POFUT2: variants seen among roughly 807,000 people sequenced by gnomAD.
POFUT2 encodes GDP-fucose protein O-fucosyltransferase 2.
Under a neutral mutation model 55.0 loss-of-function variants are expected in POFUT2, and 30 were observed. The ratio of observed to expected loss-of-function variants is 0.55; its 90% CI spans 0.41 to 0.74. The LOEUF is 0.74. Ranked by LOEUF, POFUT2 falls within the 30% of genes least tolerant of loss-of-function variation. POFUT2 has a pLI of 0.00. For synonymous variants in POFUT2, 267 were observed against 231.1 expected (o/e 1.16, Z -1.41); for missense variants, 524 against 562.6 (o/e 0.93, Z 0.69).
chr21:45,278,682 C>A lies in POFUT2; in HGVS notation c.639-513G>T, dbSNP rs142032904. On this transcript the variant is annotated intron_variant, in intron 4 of 8. Coordinates refer to ENST00000349485, the MANE Select transcript of POFUT2 (RefSeq NM_133635.6). ...CAGCGTCTCGTCCGAATTACTGCAA[C>A]CCTTGTCCGGTGGCAAACCTAGTCC... Among the ~76,000 whole-genome samples the A allele has an allele frequency of 7.9e-4, 120 of 152,356 alleles. No homozygotes were observed. The Middle Eastern group carries it at 0.014, about 17-fold the overall frequency.
In POFUT2 at chr21:45,285,934, C is replaced by G; in HGVS notation, c.132-6G>C. The G allele has an allele frequency of 6.3e-7, 1 of 1,596,798 alleles. No homozygotes were observed. The highest frequency in any genetic ancestry group is 8.5e-7 in the Non-Finnish European group (1 of 1,170,456). ...TGACGTCATACAGAAGATACCTGAG[C>G]AGGGAGAAGGAGGACCACAGGTCTC... On this transcript the variant is annotated splice_region_variant and splice_polypyrimidine_tract_variant and intron_variant, in intron 1 of 8. Coordinates refer to ENST00000349485, the MANE Select transcript of POFUT2 (RefSeq NM_133635.6). This position sits in a 1 kb window ranked among gnomAD's most constrained non-coding sequence, Gnocchi z 4.9.
In POFUT2 at chr21:45,265,378, T is replaced by C; in HGVS notation, c.*104A>G. 2 of 1,089,928 alleles carry C rather than the reference T, an allele frequency of 1.8e-6. No homozygotes were observed. Among genetic ancestry groups the C allele is most frequent in the Non-Finnish European group, 2.7e-6 (2 of 749,760 alleles). The allele number at this position is 1,089,928 out of a possible 1,614,324, so 67.5% of individuals were successfully genotyped here. ...CCTGGGACCCTGCGAGGGACGGTCC[T>C]GTCCGCCCAGCTCCCGGCTGGCAGT... is the stretch of plus-strand genomic sequence containing the variant. On this transcript the variant is annotated 3_prime_UTR_variant, in exon 9 of 9. Transcript: ENST00000349485. The surrounding 1 kb of genome is among the most constrained non-coding windows in gnomAD (Gnocchi z 4.6).
intron 3 of POFUT2, 42 bp downstream of exon 3, chr21:45,283,312 GGGGGGGGGACGCATGCGGCAGGGGGAGGT>G: frequency 2.9e-5 from 23 of 787,218 alleles, no homozygotes; most frequent in South Asian, 7.5e-5. Context: ...CTGAGGCGGG[GGGGGGGGGACGCATGCGGCAGGGGGAGGT>G]GGGGGGGCAC....
chr21:45,279,002 C>T (rs939406524), intron 4 of POFUT2, among the ~76,000 whole-genome samples: 7 of 152,112 alleles, frequency 4.6e-5, no homozygotes, highest in African/African-American at 1.2e-4. Context: ...AAAATAAAAA[C>T]GAAACACACA....
At position 45,285,870 on chromosome 21, in the gene POFUT2, T is replaced by C; in HGVS notation, c.190A>G (p.Ile64Val). ...GTCTTCAGGAGAGAGGCGATTCGGA[T>C]ATAGACATCCCTGCGCAGGTTGAAG... ...EGFNLRRDVY[I>V]RIASLLKTLL... Residue 64 changes from isoleucine (I) to valine (V), a missense_variant, in exon 2 of 9, where the codon ATC (isoleucine) becomes GTC (valine). Physicochemically the swap from Ile to Val is conservative, Grantham distance 29. This residue lies in a region of POFUT2 where 274 missense variants were observed against 244.4 expected (regional missense o/e 1.12). Transcript: ENST00000349485. The surrounding 1 kb of genome is among the most constrained non-coding windows in gnomAD (Gnocchi z 4.9). 6.2e-7 allele frequency: 1 copy of C among 1,613,022 alleles called. No individual in the cohort carries two copies. Among genetic ancestry groups the C allele is most frequent in the Non-Finnish European group, 8.5e-7 (1 of 1,179,870 alleles).
intron 4 of POFUT2, among the ~76,000 whole-genome samples, chr21:45,280,169 C>A (rs533580420): frequency 7.9e-5 from 12 of 152,324 alleles, no homozygotes; most frequent in African/African-American, 2.9e-4. Flanking sequence ...AGGAAGAAAG[C>A]GCTTCACACA....
Position 45,264,885 on chromosome 21 carries a change from T to TC in POFUT2, c.*596dup, listed in dbSNP as rs948135726. 2.0e-5 allele frequency: 3 copies of TC among 152,286 alleles called. No homozygotes were observed. The highest frequency in any genetic ancestry group is 7.2e-5 in the African/African-American group (3 of 41,430). The allele number at this position is 152,286 out of a possible 1,614,324, so 9.4% of individuals were successfully genotyped here. A position where few individuals can be genotyped will look rare whatever the true frequency, so the allele number is the denominator to read the frequency against. On this transcript the variant is annotated 3_prime_UTR_variant, in exon 9 of 9. Coordinates refer to ENST00000349485, the MANE Select transcript of POFUT2 (RefSeq NM_133635.6). ...CTGAACTGTCATCCCTCCACGGGGC[T>TC]CCCTGAGGCCTCAGGCCCTTTCCTT...
At position 45,270,690 on chromosome 21, in the gene POFUT2, T is replaced by C. The variant is rs1242014906; in HGVS notation, c.832-671A>G. 6.6e-6 allele frequency among the ~76,000 whole-genome samples: 1 copy of C among 152,168 alleles called. No individual in the cohort carries two copies. Among genetic ancestry groups the C allele is most frequent in the East Asian group, 1.9e-4 (1 of 5,184 alleles). ...CCAGCAGAGCAGGTGCTGGAACCCA[T>C]GGCTGGGAGACCCGAAGACGGATCA... On this transcript the variant is annotated intron_variant, in intron 6 of 8. Coordinates refer to ENST00000349485, the MANE Select transcript of POFUT2 (RefSeq NM_133635.6). This position sits in a 1 kb window ranked among gnomAD's most constrained non-coding sequence, Gnocchi z 4.6.
intron 4 of POFUT2, among the ~76,000 whole-genome samples, chr21:45,280,562 C>T (rs140272790): frequency 6.6e-6 from 1 of 152,310 alleles, no homozygotes; most frequent in Non-Finnish European, 1.5e-5. Context: ...CTCCCGACAG[C>T]GGTTGGTTTC....
In POFUT2 at chr21:45,265,600, A is replaced by G; in HGVS notation, c.1172T>C (p.Phe391Ser). 2 of 1,614,016 alleles carry G rather than the reference A, an allele frequency of 1.2e-6. No individual in the cohort carries two copies. The change falls in exon 9 of 9, where the codon TTT becomes TCT. Residue 391 changes from phenylalanine to serine, a missense_variant. By Grantham distance (155) the Phe-to-Ser change is radical (BLOSUM62 -2). Coordinates refer to ENST00000349485, the MANE Select transcript of POFUT2 (RefSeq NM_133635.6). The surrounding 1 kb of genome is among the most constrained non-coding windows in gnomAD (Gnocchi z 4.6). ...GATTTCTCTTTCCTCATGAATCCGA[A>G]AAGAAAATGTTGAGACTGAGGTGCC... ...FIGTSVSTFS[F>S]RIHEEREILG... is the part of the protein sequence containing the mutation.
rs892438037 is a variant in POFUT2, at chr21:45,265,828, C to T, written c.1137-193G>A. The T allele has an allele frequency of 4.3e-5, 60 of 1,403,022 alleles. No individual in the cohort carries two copies. The African/African-American group carries it at 5.2e-4, about 12-fold the overall frequency. The allele number at this position is 1,403,022 out of a possible 1,614,324, so 86.9% of individuals were successfully genotyped here. On this transcript the variant is annotated intron_variant, in intron 8 of 8. Coordinates refer to ENST00000349485, the MANE Select transcript of POFUT2 (RefSeq NM_133635.6). This position sits in a 1 kb window ranked among gnomAD's most constrained non-coding sequence, Gnocchi z 4.6. ...CCCCTCGCTCAGGTGCCCTCGACATCGGCGCCCTGAGGGGCTCTGCCTGGT... is the reference window on the plus strand; with the variant it reads ...CCCCTCGCTCAGGTGCCCTCGACATTGGCGCCCTGAGGGGCTCTGCCTGGT...
At chr21:45,279,922 T>A (rs986732035) in intron 4 of POFUT2, among the ~76,000 whole-genome samples, 3 of 152,352 alleles carry the variant, frequency 2.0e-5, no homozygotes, top group Admixed American at 1.3e-4. Flanking sequence ...AAAAGATGGC[T>A]GCATGCACAG....
rs1266655545 is a variant in POFUT2, at chr21:45,265,546, T to C, written c.1226A>G (p.Asn409Ser). ...CTTCTCTTGGTCTCCGCAGAACCTG[T>C]TGTACGTCGTCTTGGGGTCCAACCC... ...ILGLDPKTTY[N>S]RFCGDQEKAC... The change falls in exon 9 of 9, where the codon AAC becomes AGC. Residue 409 changes from asparagine to serine, a missense_variant. Asn to Ser is a conservative substitution (Grantham distance 46). Transcript: ENST00000349485. This position sits in a 1 kb window ranked among gnomAD's most constrained non-coding sequence, Gnocchi z 4.6. 9.3e-6 allele frequency: 15 copies of C among 1,614,112 alleles called. No individual in the cohort carries two copies. The highest frequency in any genetic ancestry group is 6.7e-5 in the Admixed American group (4 of 60,016).
chr21:45,268,133 G>A (rs977491818), intron 7 of POFUT2, among the ~76,000 whole-genome samples: 11 of 151,082 alleles, frequency 7.3e-5, no homozygotes, highest in African/African-American at 2.7e-4. Context: ...GCCTGCGATT[G>A]CAGGCACGCG....
At position 45,283,365 on chromosome 21, in the gene POFUT2, A is replaced by AGGTGGGGGG. The variant is rs2030991538; in HGVS notation, c.527+17_527+18insCCCCCCACC. 3.5e-6 allele frequency: 5 copies of AGGTGGGGGG among 1,434,316 alleles called. No individual in the cohort carries two copies. The South Asian group carries it at 6.1e-5, about 18-fold the overall frequency. The allele number at this position is 1,434,316 out of a possible 1,614,324, so 88.8% of individuals were successfully genotyped here. On this transcript the variant is annotated intron_variant, in intron 3 of 8. Coordinates refer to ENST00000349485, the MANE Select transcript of POFUT2 (RefSeq NM_133635.6). ...GTGGGGGGGCACCTGCGGCAGGGGGAGCAGCCTCAGCAGGCACCTGTAGTA... is the reference window on the plus strand; with the variant it reads ...GTGGGGGGGCACCTGCGGCAGGGGGAGGTGGGGGGGCAGCCTCAGCAGGCACCTGTAGTA...
intron 4 of POFUT2, among the ~76,000 whole-genome samples, chr21:45,280,018 G>C (rs145676878): frequency 3.3e-5 from 5 of 152,316 alleles, no homozygotes; most frequent in Admixed American, 3.3e-4. Context: ...CCGTTTTAAG[G>C]GCTTTTTATG....
At position 45,285,862 on chromosome 21, in the gene POFUT2, G is replaced by A. The variant is rs377468764; in HGVS notation, c.198C>T (p.Ile66=). The change falls in exon 2 of 9, where the codon ATC becomes ATT. Residue 66 remains isoleucine (I), a synonymous_variant. Coordinates refer to ENST00000349485, the MANE Select transcript of POFUT2 (RefSeq NM_133635.6). This position sits in a 1 kb window ranked among gnomAD's most constrained non-coding sequence, Gnocchi z 4.9. ...TCAGCAGAGTCTTCAGGAGAGAGGC[G>A]ATTCGGATATAGACATCCCTGCGCA... ...FNLRRDVYIR[I]ASLLKTLLKT... 29 of 1,612,914 alleles carry A rather than the reference G, an allele frequency of 1.8e-5. No individual in the cohort carries two copies. The highest frequency in any genetic ancestry group is 1.6e-4 in the South Asian group (15 of 91,080).
chr21:45,287,671 G>GC, intron 1 of POFUT2, 70 bp downstream of exon 1: 2 of 202,520 alleles, frequency 9.9e-6, no homozygotes, highest in Non-Finnish European at 1.4e-5. Context: ...ACCCCGCCCC[G>GC]CCCCCATCCC....
In POFUT2 at chr21:45,283,482, T is replaced by C. The variant is rs1166819430; in HGVS notation, c.428A>G (p.Tyr143Cys). Residue 143 changes from tyrosine (Y) to cysteine (C), a missense_variant, in exon 3 of 9, where the codon TAC (tyrosine) becomes TGC (cysteine). By Grantham distance (194) the Tyr-to-Cys change is radical. This residue lies in a region of POFUT2 where 274 missense variants were observed against 244.4 expected (regional missense o/e 1.12). Coordinates refer to ENST00000349485, the MANE Select transcript of POFUT2 (RefSeq NM_133635.6). ...FIDQVYVLQS[Y>C]AEGWKEGTWE... ...GGTCCCTTCTTTCCACCCCTCTGCG[T>C]AACTTTGCAGGACGTAAACCTGGTC... The C allele has an allele frequency of 6.2e-7, 1 of 1,613,718 alleles. No homozygotes were observed. Among genetic ancestry groups the C allele is most frequent in the Non-Finnish European group, 8.5e-7 (1 of 1,179,912 alleles).
Sources: allele counts gnomAD v4.1 joint callset (sites outside exome capture counted in the v4.1 genomes callset), GRCh38; gene constraint gnomAD v4.1.1; regional missense constraint gnomAD v4.1.1; non-coding constraint Gnocchi (gnomAD v3.1); transcripts MANE v1.5; gene names NCBI Gene and HGNC (gene_info 2026-07-23, HGNC 2026-07-21).